Variants in MTUS2 observed in about 807,000 individuals in gnomAD.
MTUS2 encodes the protein microtubule associated scaffold protein 2.
A neutral mutation model predicts 114.1 loss-of-function variants in MTUS2; 40 were observed. The ratio of observed to expected loss-of-function variants is 0.35; its 90% CI spans 0.27 to 0.46. The LOEUF is 0.46. Among genes scored for constraint, MTUS2 ranks in the 20% least tolerant of loss-of-function variants. MTUS2 has a pLI of 1.00. For missense variants in MTUS2, 1,679 were observed against 1,705.4 expected (o/e 0.98, Z 0.27); for synonymous variants, 688 against 672.0 (o/e 1.02, Z -0.37).
chr13:28,990,254 G>T (rs981894183), intron 2 of MTUS2, among the ~76,000 whole-genome samples: 1 of 152,218 alleles, frequency 6.6e-6, no homozygotes, highest in Non-Finnish European at 1.5e-5. Context: ...ATTAGGGACA[G>T]AGTCTATGTG....
At chr13:29,207,969 TTCTG>T (rs1477321686) in intron 5 of MTUS2, among the ~76,000 whole-genome samples, 2 of 152,118 alleles carry the variant, frequency 1.3e-5, no homozygotes, top group African/African-American at 4.8e-5. Flanking sequence ...TTCCCTCTTT[TTCTG>T]TCTTTTGAAA....
Position 29,244,431 on chromosome 13 carries a change from A to T in MTUS2, c.2645-37273A>T, listed in dbSNP as rs113555312. Among the ~76,000 whole-genome samples, 577 of 152,154 alleles carry T rather than the reference A, an allele frequency of 3.8e-3. 4 individuals carry two copies. The highest frequency in any genetic ancestry group is 0.014 in the African/African-American group (565 of 41,528). On this transcript the variant is annotated intron_variant, in intron 5 of 15. Coordinates refer to ENST00000612955, the MANE Select transcript of MTUS2 (RefSeq NM_001033602.4). ...AGAGTTTTCAACCATGGATCCCGGGAAAAGGAGAGAAGCAAGTGAGGGCAG... is the reference window on the plus strand; with the variant it reads ...AGAGTTTTCAACCATGGATCCCGGGTAAAGGAGAGAAGCAAGTGAGGGCAG...
intron 2 of MTUS2, among the ~76,000 whole-genome samples, chr13:28,853,458 T>C (rs762892119): frequency 1.3e-5 from 2 of 152,200 alleles, no homozygotes; most frequent in Non-Finnish European, 2.9e-5. Flanking sequence ...TTATTATATT[T>C]TGCTATAAGG....
intron 8 of MTUS2, among the ~76,000 whole-genome samples, chr13:29,435,952 A>G (rs1171026677): frequency 6.6e-6 from 1 of 152,226 alleles, no homozygotes; most frequent in Non-Finnish European, 1.5e-5. Context: ...CTACTCTCTC[A>G]GAAGTTATAG....
chr13:29,357,924 G>A (rs1333491497), intron 7 of MTUS2, among the ~76,000 whole-genome samples: 1 of 152,162 alleles, frequency 6.6e-6, no homozygotes, highest in African/African-American at 2.4e-5. Flanking sequence ...CTTAAAAGAT[G>A]AGGCCACTTG....
At chr13:29,044,576 G>A (rs1406673612) in intron 4 of MTUS2, among the ~76,000 whole-genome samples, 1 of 152,076 alleles carries the variant, frequency 6.6e-6, no homozygotes, top group Non-Finnish European at 1.5e-5. Flanking sequence ...TAGGCCTCTT[G>A]GAGTTGCCCT....
chr13:29,026,374 G>A lies in MTUS2; in HGVS notation c.1676G>A (p.Ser559Asn), dbSNP rs1474878842. The A allele has an allele frequency of 6.2e-7, 1 of 1,613,940 alleles. No individual in the cohort carries two copies. The highest frequency in any genetic ancestry group is 1.6e-4 in the Middle Eastern group (1 of 6,062). ...TTPSSSFQDV[S>N]VFGMDAGSPL... Reference sequence around the variant, plus strand: ...CCCAGTAGCAGTTTTCAGGATGTTAGCGTGTTCGGTATGGATGCGGGGTCC... The same window carrying A: ...CCCAGTAGCAGTTTTCAGGATGTTAACGTGTTCGGTATGGATGCGGGGTCC... Residue 559 changes from serine to asparagine, a missense_variant, in exon 3 of 16, where the codon AGC becomes AAC. By Grantham distance (46) the Ser-to-Asn change is conservative. Coordinates refer to ENST00000612955, the MANE Select transcript of MTUS2 (RefSeq NM_001033602.4).
intron 5 of MTUS2, among the ~76,000 whole-genome samples, chr13:29,167,822 C>T (rs540993336): frequency 5.3e-5 from 8 of 152,118 alleles, no homozygotes; most frequent in Non-Finnish European, 1.2e-4. Flanking sequence ...TTCCCAAATC[C>T]TCCAAAATCT....
chr13:29,452,607 T>TAC (rs1593460113), intron 9 of MTUS2, among the ~76,000 whole-genome samples: 2 of 146,934 alleles, frequency 1.4e-5, no homozygotes, highest in Admixed American at 6.8e-5. Flanking sequence ...TGTGTGTGTG[T>TAC]ATATATATAT....
intron 6 of MTUS2, chr13:29,307,433 A>G (rs757498103): frequency 3.7e-4 from 481 of 1,295,864 alleles, no homozygotes; most frequent in Non-Finnish European, 5.0e-4. Context: ...GCTGTGGCCA[A>G]GGTCATCCCT....
chr13:29,267,718 G>A (rs1282533269), intron 5 of MTUS2, among the ~76,000 whole-genome samples: 1 of 152,162 alleles, frequency 6.6e-6, no homozygotes, highest in East Asian at 1.9e-4. Flanking sequence ...AGATCTAAGG[G>A]ATGAAGCCCC....
In MTUS2 at chr13:29,270,146, C is replaced by T. The variant is rs1328201777; in HGVS notation, c.2645-11558C>T. On this transcript the variant is annotated intron_variant, in intron 5 of 15. Coordinates refer to ENST00000612955, the MANE Select transcript of MTUS2 (RefSeq NM_001033602.4). ...AGAGAGCTGCTGTACAGGTTTATGC[C>T]TCGAGTTAACAAAGCAGGATTGCAC... 3.9e-5 allele frequency among the ~76,000 whole-genome samples: 6 copies of T among 152,054 alleles called. No homozygotes were observed. In the East Asian group the frequency reaches 9.7e-4, roughly 25 times the overall value.
intron 7 of MTUS2, among the ~76,000 whole-genome samples, chr13:29,348,193 C>T (rs1445768069): frequency 6.6e-6 from 1 of 152,044 alleles, no homozygotes; most frequent in African/African-American, 2.4e-5. Flanking sequence ...GTGACCAGCC[C>T]CTATCCTGAA....
intron 5 of MTUS2, among the ~76,000 whole-genome samples, chr13:29,129,897 G>A (rs1003611636): frequency 1.3e-5 from 2 of 152,124 alleles, no homozygotes; most frequent in Non-Finnish European, 2.9e-5. Context: ...ATTAAGGTCA[G>A]AACATTGAGG....
At chr13:29,049,349 G>C (rs568843019) in intron 4 of MTUS2, among the ~76,000 whole-genome samples, 1 of 152,124 alleles carries the variant, frequency 6.6e-6, no homozygotes, top group Non-Finnish European at 1.5e-5. Context: ...TTAGGATAGC[G>C]GGGGGCTGTA....
At chr13:29,473,749 G>C (rs1880489256) in intron 9 of MTUS2, among the ~76,000 whole-genome samples, 1 of 151,924 alleles carries the variant, frequency 6.6e-6, no homozygotes, top group South Asian at 2.1e-4. Context: ...ATATTCTCTT[G>C]GCCAATCATA....
At chr13:29,389,430 C>CGT (rs1251931137) in intron 8 of MTUS2, among the ~76,000 whole-genome samples, 34 of 100,200 alleles carry the variant, frequency 3.4e-4, no homozygotes, top group South Asian at 6.8e-4. Context: ...TATGTATACA[C>CGT]GTGTGTGTAT....
At chr13:28,828,562 T>C (rs1292739375) in intron 1 of MTUS2, among the ~76,000 whole-genome samples, 1 of 152,224 alleles carries the variant, frequency 6.6e-6, no homozygotes, top group African/African-American at 2.4e-5. Context: ...GGGGAACTAA[T>C]AAATGTCCAT....
intron 6 of MTUS2, among the ~76,000 whole-genome samples, chr13:29,287,664 C>T (rs956693145): frequency 1.3e-5 from 2 of 152,204 alleles, no homozygotes; most frequent in African/African-American, 2.4e-5. Context: ...TTTCAAGCTG[C>T]CCTACAGGCA....
Sources: allele counts gnomAD v4.1 joint callset (sites outside exome capture counted in the v4.1 genomes callset), GRCh38; gene constraint gnomAD v4.1.1; transcripts MANE v1.5; gene names NCBI Gene and HGNC (gene_info 2026-07-23, HGNC 2026-07-21).